Variants in CD300LD observed in about 807,000 individuals in gnomAD.
CD300LD encodes the protein CMRF35-like molecule 5.
CD300LD carries 18 observed loss-of-function variants against 20.3 expected under a neutral mutation model. The observed-to-expected ratio is 0.89, with a 90% CI of 0.61 to 1.32. The LOEUF (loss-of-function observed/expected upper bound fraction) is 1.32. Among genes scored for constraint, CD300LD ranks in the 40% most tolerant of loss-of-function variants. The pLI is 0.00. For synonymous variants in CD300LD, 104 were observed against 90.1 expected (o/e 1.15, Z -0.87); for missense variants, 195 against 226.6 (o/e 0.86, Z 0.90).
At chr17:74,584,674 C>T (rs1304747247) in intron 2 of CD300LD, 1 of 152,272 alleles carries the variant, frequency 6.6e-6, no homozygotes, top group Admixed American at 6.5e-5. Flanking sequence ...GCTGTAGAAG[C>T]TCAGGGCCCT....
In CD300LD at chr17:74,582,300, C is replaced by T; in HGVS notation, c.391G>A (p.Ala131Thr). ...QVTINPGTQT[A>T]VSEWTTTTAS... ...GTTGTGGTTGTCCATTCTGAGACTG[C>T]AGTTTGTGTGCCTAAACATACAAAG... The change falls in exon 3 of 4, where the codon GCA becomes ACA. Residue 131 changes from alanine to threonine, a missense_variant. Coordinates refer to ENST00000375352, the MANE Select transcript of CD300LD (RefSeq NM_001115152.2). The T allele has an allele frequency of 6.2e-7, 1 of 1,613,502 alleles. No individual in the cohort carries two copies. Among genetic ancestry groups the T allele is most frequent in the Non-Finnish European group, 8.5e-7 (1 of 1,179,554 alleles).
At chr17:74,586,618 C>T (rs975209230) in intron 2 of CD300LD, among the ~76,000 whole-genome samples, 2 of 152,160 alleles carry the variant, frequency 1.3e-5, no homozygotes, top group African/African-American at 4.8e-5. Flanking sequence ...CACATTGATT[C>T]CCTCTCCCCA....
At chr17:74,586,375 C>A (rs186339395) in intron 2 of CD300LD, among the ~76,000 whole-genome samples, 36 of 152,234 alleles carry the variant, frequency 2.4e-4, no homozygotes, top group African/African-American at 2.4e-5. Flanking sequence ...TACCGTCAGA[C>A]CTTTGGGCAG....
chr17:74,584,120 A>G lies in CD300LD; in HGVS notation c.380-1809T>C, dbSNP rs60818430. 6.0e-3 allele frequency among the ~76,000 whole-genome samples: 919 copies of G among 152,318 alleles called. 5 individuals carry two copies. The highest frequency in any genetic ancestry group is 0.021 in the African/African-American group (859 of 41,566). On this transcript the variant is annotated intron_variant, in intron 2 of 3. Coordinates refer to ENST00000375352, the MANE Select transcript of CD300LD (RefSeq NM_001115152.2). ...TTTCCAGTTTTTTGCTATTACAAAT[A>G]AAGCTGCTATGAACATTCACATACA...
intron 3 of CD300LD, among the ~76,000 whole-genome samples, chr17:74,581,519 C>T (rs893407239): frequency 3.3e-5 from 5 of 152,230 alleles, no homozygotes; most frequent in African/African-American, 1.2e-4. Flanking sequence ...CAGACTAATC[C>T]TCCAGACCCC....
chr17:74,582,663 C>T (rs964603972), intron 2 of CD300LD, among the ~76,000 whole-genome samples: 29 of 152,210 alleles, frequency 1.9e-4, no homozygotes, highest in African/African-American at 5.8e-4. Flanking sequence ...AGTGATTCGG[C>T]GGCTGAGCTG....
chr17:74,587,149 CA>C lies in CD300LD; in HGVS notation c.379+1361del, dbSNP rs56389324. ...AGGCAACAAGAGCGAAACTCCATCT[CA>C]AAAAAAAAAAAATTGATATTATCCG... On this transcript the variant is annotated intron_variant, in intron 2 of 3. Transcript: ENST00000375352. Among the ~76,000 whole-genome samples the C allele has an allele frequency of 5.3e-3, 745 of 139,450 alleles. 5 individuals carry two copies. The highest frequency in any genetic ancestry group is 0.016 in the African/African-American group (622 of 38,668). 91.5% of individuals were successfully genotyped at this position (139,450 alleles called of 152,430 possible). A position where few individuals can be genotyped will look rare whatever the true frequency, so the allele number is the denominator to read the frequency against.
chr17:74,580,402 G>T (rs1165118724), intron 3 of CD300LD, among the ~76,000 whole-genome samples: 1 of 152,214 alleles, frequency 6.6e-6, no homozygotes, highest in Non-Finnish European at 1.5e-5. Context: ...TCTTGAAGGG[G>T]TTTAGCATTC....
In CD300LD at chr17:74,590,089, C is replaced by T. The variant is rs540160999; in HGVS notation, c.41-1240G>A. On this transcript the variant is annotated intron_variant, in intron 1 of 3. Coordinates refer to ENST00000375352, the MANE Select transcript of CD300LD (RefSeq NM_001115152.2). The stretch of plus-strand genomic sequence containing the variant: ...CATAATTTCCACATGTTGTGGGGGG[C>T]ACCAGTTGGGAGTTAATTGAATCAT... Among the ~76,000 whole-genome samples, 5 of 152,270 alleles carry T rather than the reference C, an allele frequency of 3.3e-5. No individual in the cohort carries two copies. In the South Asian group the frequency reaches 1.0e-3, roughly 32 times the overall value.
chr17:74,583,565 G>C (rs931956912), intron 2 of CD300LD, among the ~76,000 whole-genome samples: 1 of 152,156 alleles, frequency 6.6e-6, no homozygotes, highest in African/African-American at 2.4e-5. Flanking sequence ...TTAGCTAAGG[G>C]ATGATCCATT....
intron 2 of CD300LD, among the ~76,000 whole-genome samples, chr17:74,586,602 C>T (rs1012006165): frequency 1.2e-4 from 18 of 152,094 alleles, no homozygotes; most frequent in African/African-American, 2.9e-4. Context: ...GATAGGTTCC[C>T]GGAGGCACAT....
Position 74,579,791 on chromosome 17 carries a change from A to G in CD300LD, c.*211T>C. ...CCCCAGCTACTCTGGAGGTTGAGGCAGGAGGATCGCTTGAGCCTGGGAGGG... is the reference window on the plus strand; with the variant it reads ...CCCCAGCTACTCTGGAGGTTGAGGCGGGAGGATCGCTTGAGCCTGGGAGGG... On this transcript the variant is annotated 3_prime_UTR_variant, in exon 4 of 4. Coordinates refer to ENST00000375352, the MANE Select transcript of CD300LD (RefSeq NM_001115152.2). 1 of 343,358 alleles carries G rather than the reference A, an allele frequency of 2.9e-6. No individual in the cohort carries two copies. Among genetic ancestry groups the G allele is most frequent in the Non-Finnish European group, 5.5e-6 (1 of 180,478 alleles). 21.3% of individuals were successfully genotyped at this position (343,358 alleles called of 1,614,324 possible).
At chr17:74,586,711 C>T (rs2143286971) in intron 2 of CD300LD, among the ~76,000 whole-genome samples, 1 of 152,104 alleles carries the variant, frequency 6.6e-6, no homozygotes, top group South Asian at 2.1e-4. Flanking sequence ...ACCAAGATTC[C>T]CACTGGTATT....
At chr17:74,588,077 G>C (rs1399333225) in intron 2 of CD300LD, among the ~76,000 whole-genome samples, 1 of 152,178 alleles carries the variant, frequency 6.6e-6, no homozygotes, top group South Asian at 2.1e-4. Flanking sequence ...CCGAGGTTGA[G>C]GAGCCACATC....
chr17:74,589,068 T>C (rs2030243917), intron 1 of CD300LD, among the ~76,000 whole-genome samples: 1 of 152,206 alleles, frequency 6.6e-6, no homozygotes, highest in Non-Finnish European at 1.5e-5. Context: ...GAAACACAAA[T>C]GTTGGCATTG....
intron 2 of CD300LD, among the ~76,000 whole-genome samples, chr17:74,585,646 C>T (rs773255305): frequency 2.0e-5 from 3 of 152,180 alleles, no homozygotes; most frequent in Non-Finnish European, 4.4e-5. Context: ...GTTTAAGTTG[C>T]TGAAGGAATT....
chr17:74,581,132 G>C (rs1038043310), intron 3 of CD300LD, among the ~76,000 whole-genome samples: 2 of 151,226 alleles, frequency 1.3e-5, no homozygotes, highest in Non-Finnish European at 2.9e-5. Context: ...GACAGCTAAA[G>C]TCCCATCAGT....
chr17:74,590,509 G>C (rs936723887), intron 1 of CD300LD: 2 of 151,830 alleles, frequency 1.3e-5, no homozygotes, highest in African/African-American at 4.8e-5. Flanking sequence ...GGAATGTCTT[G>C]AAAAACCAGG....
intron 1 of CD300LD, 92 bp downstream of exon 1, chr17:74,592,071 T>C (rs1271570489): frequency 6.2e-7 from 1 of 1,612,192 alleles, no homozygotes; most frequent in South Asian, 1.1e-5. Context: ...GCTGTCATTT[T>C]CCCTGACATG....
Sources: allele counts gnomAD v4.1 joint callset (sites outside exome capture counted in the v4.1 genomes callset), GRCh38; gene constraint gnomAD v4.1.1; transcripts MANE v1.5; gene names NCBI Gene and HGNC (gene_info 2026-07-23, HGNC 2026-07-21).